Variants in IL1RAPL1 observed in about 807,000 individuals in gnomAD.
The protein encoded by IL1RAPL1 is interleukin 1 receptor accessory protein like 1, also known as interleukin-1 receptor accessory protein-like 1.
IL1RAPL1 carries 3 observed loss-of-function variants against 48.4 expected under a neutral mutation model. The ratio of observed to expected loss-of-function variants is 0.06; its 90% CI spans 0.03 to 0.16. IL1RAPL1 has a LOEUF of 0.16. Among genes scored for constraint, IL1RAPL1 ranks in the 10% least tolerant of loss-of-function variants. The pLI, the probability that IL1RAPL1 is intolerant of heterozygous loss-of-function variation, is 1.00. For synonymous variants in IL1RAPL1, 185 were observed against 187.7 expected (o/e 0.99, Z 0.12); for missense variants, 349 against 530.6 (o/e 0.66, Z 3.36).
intron 2 of IL1RAPL1, among the ~76,000 whole-genome samples, chrX:28,840,379 A>G (rs1418067496): frequency 9.1e-6 from 1 of 110,463 alleles, no homozygotes; most frequent in Non-Finnish European, 1.9e-5. Context: ...GATTTAAAAT[A>G]TATATCCTGT....
chrX:29,725,670 C>T (rs1419885244), intron 6 of IL1RAPL1, among the ~76,000 whole-genome samples: 2 of 111,967 alleles, frequency 1.8e-5, no homozygotes, highest in Admixed American at 9.5e-5. Flanking sequence ...CCACAAACCC[C>T]TTAGCAGTAT....
At chrX:29,330,198 A>T (rs1932873444) in intron 3 of IL1RAPL1, among the ~76,000 whole-genome samples, 2 of 112,398 alleles carry the variant, frequency 1.8e-5, no homozygotes, top group South Asian at 7.3e-4. Context: ...AAGCTGTTTT[A>T]AAAAATGTAT....
At chrX:29,948,272 TTA>T (rs1448689506) in intron 9 of IL1RAPL1, among the ~76,000 whole-genome samples, 3 of 111,631 alleles carry the variant, frequency 2.7e-5, no homozygotes, top group Non-Finnish European at 5.7e-5. Context: ...GTTTGAGAAC[TTA>T]TAGATTCAAA....
intron 2 of IL1RAPL1, among the ~76,000 whole-genome samples, chrX:28,860,717 C>A (rs1921922483): frequency 9.0e-6 from 1 of 111,047 alleles, no homozygotes; most frequent in African/African-American, 3.3e-5. Flanking sequence ...CCCGCTTAGC[C>A]TCCCAAAGTG....
intron 3 of IL1RAPL1, among the ~76,000 whole-genome samples, chrX:29,324,099 T>C (rs768319638): frequency 2.6e-4 from 28 of 109,596 alleles, no homozygotes; most frequent in Admixed American, 4.9e-4. Context: ...GCATACCTTT[T>C]AACGTGTGTA....
chrX:29,711,333 G>A lies in IL1RAPL1; in HGVS notation c.778+42829G>A, dbSNP rs183671903. Among the ~76,000 whole-genome samples, 28 of 106,065 alleles carry A rather than the reference G, an allele frequency of 2.6e-4. 1 individual carries two copies. Among genetic ancestry groups the A allele is most frequent in the East Asian group, 1.2e-3 (4 of 3,350 alleles). The allele number at this position is 106,065 out of a possible 115,157, so 92.1% of individuals were successfully genotyped here. A position where few individuals can be genotyped will look rare whatever the true frequency, so the allele number is the denominator to read the frequency against. ...TGAGTAGCTGGGATTACCGCCATGC[G>A]CCACCAGTCCCGGCTAATTTTGTAT... On this transcript the variant is annotated intron_variant, in intron 6 of 10. Transcript: ENST00000378993.
intron 2 of IL1RAPL1, among the ~76,000 whole-genome samples, chrX:29,250,889 T>C (rs1931593432): frequency 8.9e-6 from 1 of 112,015 alleles, no homozygotes; most frequent in Non-Finnish European, 1.9e-5. Context: ...TTGTTTTACC[T>C]GGCATTTGGC....
intron 2 of IL1RAPL1, among the ~76,000 whole-genome samples, chrX:28,928,626 G>A (rs1923808810): frequency 9.0e-6 from 1 of 111,723 alleles, no homozygotes. Flanking sequence ...TCATCTCTAT[G>A]TGGGCTTCTC....
intron 6 of IL1RAPL1, among the ~76,000 whole-genome samples, chrX:29,682,288 A>G (rs1324395512): frequency 9.0e-6 from 1 of 111,072 alleles, no homozygotes; most frequent in Non-Finnish European, 1.9e-5. Context: ...TTTTGTCTTT[A>G]TAGTCTCATG....
At chrX:28,947,567 G>C (rs771604657) in intron 2 of IL1RAPL1, among the ~76,000 whole-genome samples, 23 of 110,762 alleles carry the variant, frequency 2.1e-4, no homozygotes, top group Non-Finnish European at 4.4e-4. Flanking sequence ...GTGGGAGGAT[G>C]GGGGAGGGAT....
At chrX:29,664,403 C>CAA (rs569100581) in intron 5 of IL1RAPL1, among the ~76,000 whole-genome samples, 5,737 of 40,532 alleles carry the variant, frequency 0.14, 345 homozygotes, top group Middle Eastern at 0.26. Context: ...GACTCCGTCT[C>CAA]AAAAAAAAAA....
At chrX:29,561,989 A>G (rs940902899) in intron 5 of IL1RAPL1, among the ~76,000 whole-genome samples, 1 of 111,395 alleles carries the variant, frequency 9.0e-6, no homozygotes, top group Admixed American at 9.5e-5. Context: ...GCAAAACATT[A>G]GATATGAATT....
chrX:29,769,610 ATTTT>A (rs146650137), intron 6 of IL1RAPL1, among the ~76,000 whole-genome samples: 1 of 43,056 alleles, frequency 2.3e-5, no homozygotes, highest in African/African-American at 1.2e-4. Flanking sequence ...TGCCTGGCTA[ATTTT>A]TTTTTTTTTT....
intron 5 of IL1RAPL1, among the ~76,000 whole-genome samples, chrX:29,624,955 G>A (rs1259896068): frequency 8.9e-6 from 1 of 112,103 alleles, no homozygotes; most frequent in Non-Finnish European, 1.9e-5. Context: ...ACAGGGGTCT[G>A]CAAACTTTTC....
intron 2 of IL1RAPL1, among the ~76,000 whole-genome samples, chrX:28,985,769 C>T (rs1052208669): frequency 2.8e-5 from 3 of 108,120 alleles, no homozygotes; most frequent in Admixed American, 9.9e-5. Flanking sequence ...ACGCCATTCT[C>T]CTGCCTCAGC....
intron 5 of IL1RAPL1, among the ~76,000 whole-genome samples, chrX:29,431,342 A>G (rs1428170377): frequency 1.8e-5 from 2 of 111,035 alleles, no homozygotes; most frequent in Non-Finnish European, 3.8e-5. Context: ...AGAATATTGC[A>G]AATAAATAGT....
At chrX:29,022,330 A>G (rs1926389426) in intron 2 of IL1RAPL1, among the ~76,000 whole-genome samples, 1 of 111,638 alleles carries the variant, frequency 9.0e-6, no homozygotes, top group African/African-American at 3.3e-5. Context: ...TTGCCTGGAT[A>G]CATTTACTTA....
At chrX:29,830,608 C>T (rs1930853352) in intron 6 of IL1RAPL1, among the ~76,000 whole-genome samples, 2 of 110,413 alleles carry the variant, frequency 1.8e-5, no homozygotes, top group African/African-American at 3.3e-5. Flanking sequence ...CGCCACCACG[C>T]CTGGCTGATT....
At chrX:28,803,131 T>G (rs745498186) in intron 2 of IL1RAPL1, among the ~76,000 whole-genome samples, 1 of 111,832 alleles carries the variant, frequency 8.9e-6, no homozygotes. Context: ...GAATTCAAAT[T>G]ATTTTGACAA....
Sources: allele counts gnomAD v4.1 joint callset (sites outside exome capture counted in the v4.1 genomes callset), GRCh38; gene constraint gnomAD v4.1.1; transcripts MANE v1.5; gene names NCBI Gene and HGNC (gene_info 2026-07-23, HGNC 2026-07-21).